Variants in TMEM131L observed in about 807,000 individuals in gnomAD.
TMEM131L encodes transmembrane 131 like, also known as transmembrane protein 131-like.
In TMEM131L, 54 loss-of-function variants were observed where a neutral mutation model predicts 192.2. The ratio of observed to expected loss-of-function variants is 0.28; its 90% CI spans 0.23 to 0.35. The LOEUF is 0.35. Among genes scored for constraint, TMEM131L ranks in the 10% least tolerant of loss-of-function variants. TMEM131L has a pLI of 1.00. For missense variants in TMEM131L, 1,888 were observed against 1,972.9 expected (o/e 0.96, Z 0.82); for synonymous variants, 701 against 704.9 (o/e 0.99, Z 0.09).
intron 3 of TMEM131L, among the ~76,000 whole-genome samples, chr4:153,530,326 CA>C (rs1321697780): frequency 6.6e-6 from 1 of 152,084 alleles, no homozygotes; most frequent in Non-Finnish European, 1.5e-5. Flanking sequence ...GATGATAAAT[CA>C]GGACCCTGAT....
chr4:153,573,331 A>T (rs149342139), intron 7 of TMEM131L, among the ~76,000 whole-genome samples: 13 of 152,394 alleles, frequency 8.5e-5, no homozygotes, highest in Non-Finnish European at 1.6e-4. Context: ...GGCAGCCTGC[A>T]TCACAAAGCT....
chr4:153,598,874 T>C (rs1561228995), intron 21 of TMEM131L, 142 bp downstream of exon 21: 6 of 614,938 alleles, frequency 9.8e-6, no homozygotes, highest in African/African-American at 1.9e-5. Context: ...ATTGTATTGA[T>C]GCAAATAATT....
At chr4:153,585,639 T>C in intron 13 of TMEM131L, 28 bp downstream of exon 13, 1 of 1,541,846 alleles carries the variant, frequency 6.5e-7, no homozygotes. Flanking sequence ...TCCCCAAGTT[T>C]TAGCTTATTT....
chr4:153,610,881 A>G (rs1015659362), intron 25 of TMEM131L, among the ~76,000 whole-genome samples: 2 of 152,162 alleles, frequency 1.3e-5, no homozygotes, highest in South Asian at 2.1e-4. Flanking sequence ...GCTCTGCCCT[A>G]TGGTCATCTA....
At chr4:153,520,609 G>T (rs142160017) in intron 3 of TMEM131L, among the ~76,000 whole-genome samples, 275 of 152,340 alleles carry the variant, frequency 1.8e-3, no homozygotes, top group Non-Finnish European at 3.0e-3. Context: ...CTCCAGTGCA[G>T]ATCGTTCTCC....
intron 7 of TMEM131L, among the ~76,000 whole-genome samples, chr4:153,573,197 T>C (rs1729706541): frequency 6.6e-6 from 1 of 152,248 alleles, no homozygotes; most frequent in Admixed American, 6.5e-5. Flanking sequence ...AGAAATGGAA[T>C]TGGTAATTCT....
At position 153,567,630 on chromosome 4, in the gene TMEM131L, C is replaced by T. The variant is rs935890496; in HGVS notation, c.660+9262C>T. 6.6e-5 allele frequency among the ~76,000 whole-genome samples: 10 copies of T among 151,948 alleles called. No homozygotes were observed. In the East Asian group the frequency reaches 1.2e-3, roughly 18 times the overall value. ...CACGATCTCGGCTCACTGCAACCTC[C>T]GCCTCCAGTGTTCAAGCAATTCTCC... On this transcript the variant is annotated intron_variant, in intron 7 of 34. Coordinates refer to ENST00000409959, the MANE Select transcript of TMEM131L (RefSeq NM_001131007.2).
chr4:153,542,278 T>C (rs1343019039), intron 3 of TMEM131L, among the ~76,000 whole-genome samples: 1 of 151,972 alleles, frequency 6.6e-6, no homozygotes, highest in Non-Finnish European at 1.5e-5. Flanking sequence ...TAGGAGGTAG[T>C]GGGGAGGTTT....
At chr4:153,471,886 C>T (rs563215277) in intron 2 of TMEM131L, among the ~76,000 whole-genome samples, 3 of 152,274 alleles carry the variant, frequency 2.0e-5, no homozygotes, top group East Asian at 1.9e-4. Flanking sequence ...TTTATTTTCC[C>T]GCATCTTAAG....
intron 2 of TMEM131L, among the ~76,000 whole-genome samples, chr4:153,469,782 C>T (rs1234966217): frequency 2.6e-5 from 4 of 152,018 alleles, no homozygotes; most frequent in African/African-American, 4.8e-5. Flanking sequence ...CAAAATTAGC[C>T]GGGCGTGGTG....
intron 3 of TMEM131L, among the ~76,000 whole-genome samples, chr4:153,487,332 C>A (rs1732411293): frequency 6.6e-6 from 1 of 152,148 alleles, no homozygotes; most frequent in Non-Finnish European, 1.5e-5. Context: ...CGTACGTATT[C>A]TCTTCATAGG....
chr4:153,612,485 C>T (rs1732703091), intron 26 of TMEM131L, 85 bp downstream of exon 26: 8 of 1,031,210 alleles, frequency 7.8e-6, no homozygotes, highest in Non-Finnish European at 8.3e-6. Context: ...TCATATGTTT[C>T]ACTGCATTTG....
At chr4:153,612,140 AAATTT>A (rs1732664115) in intron 25 of TMEM131L, 107 bp from the exon 26 acceptor site, 5 of 708,348 alleles carry the variant, frequency 7.1e-6, no homozygotes, top group Non-Finnish European at 1.1e-5. Flanking sequence ...AAACAATGCT[AAATTT>A]AATTTAACTC....
intron 15 of TMEM131L, among the ~76,000 whole-genome samples, chr4:153,588,112 G>C (rs1280082406): frequency 6.9e-6 from 1 of 144,532 alleles, no homozygotes; most frequent in Non-Finnish European, 1.5e-5. Flanking sequence ...GGAAGATTCT[G>C]ATTCTTTTAT....
At chr4:153,516,660 A>G (rs1204153688) in intron 3 of TMEM131L, among the ~76,000 whole-genome samples, 5 of 152,170 alleles carry the variant, frequency 3.3e-5, no homozygotes, top group Non-Finnish European at 7.3e-5. Context: ...TGCTGGGTCA[A>G]AAAGTGGGCA....
intron 3 of TMEM131L, among the ~76,000 whole-genome samples, chr4:153,485,222 T>A (rs1334404599): frequency 1.3e-5 from 2 of 152,018 alleles, no homozygotes; most frequent in African/African-American, 2.4e-5. Flanking sequence ...TCTAGTACAA[T>A]TTATGTTTCA....
At position 153,506,127 on chromosome 4, in the gene TMEM131L, A is replaced by G. The variant is rs183025595; in HGVS notation, c.239+32239A>G. Among the ~76,000 whole-genome samples the G allele has an allele frequency of 3.6e-3, 543 of 152,352 alleles. 2 individuals carry two copies. Among genetic ancestry groups the G allele is most frequent in the Non-Finnish European group, 6.1e-3 (412 of 68,036 alleles). On this transcript the variant is annotated intron_variant, in intron 3 of 34. Transcript: ENST00000409959. Reference sequence around the variant, plus strand: ...TATTTAAAATCCAAGAAAAGGCTCTAAAACAAAAGATGACCTGAATCTACA... The same window carrying G: ...TATTTAAAATCCAAGAAAAGGCTCTGAAACAAAAGATGACCTGAATCTACA...
chr4:153,519,131 A>G (rs2150132432), intron 3 of TMEM131L, among the ~76,000 whole-genome samples: 1 of 152,130 alleles, frequency 6.6e-6, no homozygotes, highest in East Asian at 1.9e-4. Context: ...GGGACATGAG[A>G]AGTCTTATGA....
In TMEM131L at chr4:153,492,532, G is replaced by A. The variant is rs28584317; in HGVS notation, c.239+18644G>A. ...AAAATAAGTCTACCACTTTGGACTT[G>A]GGAAAACAAATATTCTGATGTAATA... is the stretch of plus-strand genomic sequence containing the variant. On this transcript the variant is annotated intron_variant, in intron 3 of 34. Coordinates refer to ENST00000409959, the MANE Select transcript of TMEM131L (RefSeq NM_001131007.2). Among the ~76,000 whole-genome samples, 91 of 152,280 alleles carry A rather than the reference G, an allele frequency of 6.0e-4. No homozygotes were observed. In the South Asian group the frequency reaches 0.017, roughly 28 times the overall value.
Sources: gnomAD v4.1 joint callset for allele counts (sites outside exome capture counted in the v4.1 genomes callset) on GRCh38, gnomAD v4.1.1 for gene constraint, MANE v1.5 for transcripts, NCBI Gene and HGNC (gene_info 2026-07-23, HGNC 2026-07-21) for gene names.